Variants in GNG10 observed in about 807,000 individuals in gnomAD.
The protein encoded by GNG10 is guanine nucleotide-binding protein G(I)/G(S)/G(O) subunit gamma-10.
GNG10 carries 7 observed loss-of-function variants against 6.8 expected under a neutral mutation model. The ratio of observed to expected loss-of-function variants is 1.02; its 90% CI spans 0.58 to 1.92. The LOEUF (loss-of-function observed/expected upper bound fraction) is 1.92, where lower values mean the gene tolerates loss of function less well. GNG10 is among the 30% of genes most tolerant of loss of function. The pLI is 0.00. For missense variants in GNG10, 57 were observed against 86.1 expected (o/e 0.66, Z 1.34); for synonymous variants, 28 against 34.8 (o/e 0.80, Z 0.69).
At chr9:111,665,210 T>C (rs1830878955) in intron 1 of GNG10, among the ~76,000 whole-genome samples, 1 of 151,948 alleles carries the variant, frequency 6.6e-6, no homozygotes, top group Non-Finnish European at 1.5e-5. Flanking sequence ...GTGAATTGTA[T>C]TCAAAATGCC....
In GNG10 at chr9:111,661,611, C is replaced by T. The variant is rs924250941; in HGVS notation, c.-24C>T. 6 of 1,283,418 alleles carry T rather than the reference C, an allele frequency of 4.7e-6. No homozygotes were observed. Among genetic ancestry groups the T allele is most frequent in the African/African-American group, 1.6e-5 (1 of 64,002 alleles). 79.5% of individuals were successfully genotyped at this position (1,283,418 alleles called of 1,614,324 possible). On this transcript the variant is annotated 5_prime_UTR_variant, in exon 1 of 3. Transcript: ENST00000374293. This position sits in a 1 kb window ranked among gnomAD's most constrained non-coding sequence, Gnocchi z 6.1. ...TCCCCGCCCGGCCGGGCCCAGCAGC[C>T]CCTAGGAGCCCAGCGCCGCCGCCAT...
rs756670422 is a variant in GNG10, at chr9:111,666,800, G to A, written c.82-15G>A. ...GCTGTGAGCAGGGTGCCATGTTGCTGTCCCTTTGTTTCAGGTCTCTCAGGC... is the reference window on the plus strand; with the variant it reads ...GCTGTGAGCAGGGTGCCATGTTGCTATCCCTTTGTTTCAGGTCTCTCAGGC... On this transcript the variant is annotated splice_polypyrimidine_tract_variant and intron_variant, in intron 1 of 2. Transcript: ENST00000374293. The A allele has an allele frequency of 6.2e-7, 1 of 1,611,216 alleles. No individual in the cohort carries two copies. Among genetic ancestry groups the A allele is most frequent in the Non-Finnish European group, 8.5e-7 (1 of 1,179,000 alleles).
chr9:111,665,875 C>T (rs1015087642), intron 1 of GNG10, among the ~76,000 whole-genome samples: 4 of 150,934 alleles, frequency 2.7e-5, no homozygotes, highest in Admixed American at 6.6e-5. Context: ...TACAGGTGCA[C>T]GCCACCACAC....
At position 111,663,871 on chromosome 9, in the gene GNG10, A is replaced by G. The variant is rs141650410; in HGVS notation, c.81+2156A>G. 7.0e-3 allele frequency among the ~76,000 whole-genome samples: 1,039 copies of G among 148,724 alleles called. 13 individuals are homozygous for G. Among genetic ancestry groups the G allele is most frequent in the African/African-American group, 0.024 (984 of 40,426 alleles). ...GTTTCATTCTTGTTGCCCAGGTTGG[A>G]GTGCAATGGCATGATCTCAGCTCAC... On this transcript the variant is annotated intron_variant, in intron 1 of 2. Transcript: ENST00000374293.
chr9:111,666,904 C>A lies in GNG10; in HGVS notation c.171C>A (p.Asn57Lys), dbSNP rs760644969. ...ALLVGVPAGS[N>K]PFREPRSCAL... ...TGGTGGGTGTTCCAGCTGGAAGTAACCCCTTCCGGGAGCCTAGATCCTGTG... is the reference window on the plus strand; with the variant it reads ...TGGTGGGTGTTCCAGCTGGAAGTAAACCCTTCCGGGAGCCTAGATCCTGTG... Residue 57 changes from asparagine (N) to lysine (K), a missense_variant, in exon 2 of 3, where the codon AAC becomes AAA. Coordinates refer to ENST00000374293, the MANE Select transcript of GNG10 (RefSeq NM_001017998.4). 9 of 1,613,906 alleles carry A rather than the reference C, an allele frequency of 5.6e-6. No homozygotes were observed. The African/African-American group carries it at 1.2e-4, about 22-fold the overall frequency.
rs1013132501 is a variant in GNG10, at chr9:111,661,830, G to C, written c.81+115G>C. On this transcript the variant is annotated intron_variant, in intron 1 of 2. Transcript: ENST00000374293. This position sits in a 1 kb window ranked among gnomAD's most constrained non-coding sequence, Gnocchi z 6.1. ...GACTCGGTGGCGGCGGCGAGGCCTC[G>C]GCGGGGCGCGGGGGCGGTGGGGTCC... is the stretch of plus-strand genomic sequence containing the variant. The C allele has an allele frequency of 2.7e-4, 122 of 460,042 alleles. No homozygotes were observed. The highest frequency in any genetic ancestry group is 5.8e-5 in the Admixed American group (1 of 17,220). 28.5% of individuals were successfully genotyped at this position (460,042 alleles called of 1,614,324 possible).
At chr9:111,664,499 C>T (rs962424915) in intron 1 of GNG10, among the ~76,000 whole-genome samples, 5 of 152,104 alleles carry the variant, frequency 3.3e-5, no homozygotes, top group African/African-American at 1.2e-4. Context: ...GCTTGGTATC[C>T]TTCCAAGAAC....
chr9:111,661,975 C>G lies in GNG10; in HGVS notation c.81+260C>G, dbSNP rs1371226149. Among the ~76,000 whole-genome samples the G allele has an allele frequency of 6.6e-6, 1 of 151,960 alleles. No individual in the cohort carries two copies. The highest frequency in any genetic ancestry group is 2.4e-5 in the African/African-American group (1 of 41,388). On this transcript the variant is annotated intron_variant, in intron 1 of 2. Coordinates refer to ENST00000374293, the MANE Select transcript of GNG10 (RefSeq NM_001017998.4). The surrounding 1 kb of genome is among the most constrained non-coding windows in gnomAD (Gnocchi z 6.1). ...CTGGGGGTGCGCCCACTCCAGAAGG[C>G]GGCCGTGGTCAGTTCCTCGGAGGGC... is the stretch of plus-strand genomic sequence containing the variant.
At chr9:111,664,762 A>G (rs1386211209) in intron 1 of GNG10, among the ~76,000 whole-genome samples, 1 of 152,138 alleles carries the variant, frequency 6.6e-6, no homozygotes. Flanking sequence ...TCTTGAGCCT[A>G]GAGTTCAGTT....
intron 1 of GNG10, among the ~76,000 whole-genome samples, chr9:111,666,149 C>T (rs986111980): frequency 3.3e-5 from 5 of 152,096 alleles, no homozygotes; most frequent in African/African-American, 2.4e-5. Flanking sequence ...TATATGTTAG[C>T]GCTATTCTAA....
At chr9:111,665,934 C>T (rs914646105) in intron 1 of GNG10, among the ~76,000 whole-genome samples, 3 of 147,240 alleles carry the variant, frequency 2.0e-5, no homozygotes, top group Non-Finnish European at 4.5e-5. Flanking sequence ...CAGGGTTTCA[C>T]CATGTTGGTC....
At chr9:111,664,805 G>A (rs1297726675) in intron 1 of GNG10, among the ~76,000 whole-genome samples, 2 of 152,132 alleles carry the variant, frequency 1.3e-5, no homozygotes, top group Non-Finnish European at 1.5e-5. Context: ...TGGAGACAGT[G>A]TCCTTCCACC....
chr9:111,666,704 G>A, intron 1 of GNG10, 111 bp from the exon 2 acceptor site: 1 of 1,423,166 alleles, frequency 7.0e-7, no homozygotes, highest in Non-Finnish European at 9.3e-7. Flanking sequence ...GACTTTTGGA[G>A]GTCACAAAAA....
At chr9:111,665,396 T>G (rs189312461) in intron 1 of GNG10, among the ~76,000 whole-genome samples, 32 of 152,302 alleles carry the variant, frequency 2.1e-4, no homozygotes, top group Non-Finnish European at 4.6e-4. Context: ...GATGGACAAT[T>G]TGAGCTAGGT....
At chr9:111,667,270 C>T (rs781027444) in intron 2 of GNG10, among the ~76,000 whole-genome samples, 5 of 152,024 alleles carry the variant, frequency 3.3e-5, no homozygotes, top group Non-Finnish European at 7.4e-5. Context: ...CGCTCTGTCA[C>T]CCAGGCTGGA....
rs1461662776 is a variant in GNG10 at position 111,669,295 on chromosome 9, C to T, written c.*33C>T. The stretch of plus-strand genomic sequence containing the variant: ...AGGAGAGAAGTTTGCTGAGGAATGC[C>T]TTCAAGCACAAAGTGATGAATGACT... On this transcript the variant is annotated 3_prime_UTR_variant, in exon 3 of 3. Transcript: ENST00000374293. 6.6e-6 allele frequency: 1 copy of T among 152,188 alleles called. No homozygotes were observed. The highest frequency in any genetic ancestry group is 2.4e-5 in the African/African-American group (1 of 41,446). 9.4% of individuals were successfully genotyped at this position (152,188 alleles called of 1,614,324 possible).
intron 2 of GNG10, among the ~76,000 whole-genome samples, chr9:111,667,878 G>A (rs1368067627): frequency 1.3e-5 from 2 of 151,908 alleles, no homozygotes; most frequent in African/African-American, 2.4e-5. Flanking sequence ...CCTCATCGCC[G>A]AGACATCTTG....
intron 2 of GNG10, among the ~76,000 whole-genome samples, chr9:111,668,098 C>T (rs1483572501): frequency 1.3e-5 from 2 of 152,124 alleles, no homozygotes; most frequent in Middle Eastern, 6.3e-3. Flanking sequence ...GTCTCAAACT[C>T]CTGACCTCAT....
At chr9:111,667,698 A>C (rs533993031) in intron 2 of GNG10, among the ~76,000 whole-genome samples, 1 of 152,194 alleles carries the variant, frequency 6.6e-6, no homozygotes, top group Non-Finnish European at 1.5e-5. Context: ...TGGTTTTCAG[A>C]ATATATCTCT....
Sources: allele counts gnomAD v4.1 joint callset (sites outside exome capture counted in the v4.1 genomes callset), GRCh38; gene constraint gnomAD v4.1.1; non-coding constraint Gnocchi (gnomAD v3.1); transcripts MANE v1.5; gene names NCBI Gene and HGNC (gene_info 2026-07-23, HGNC 2026-07-21).